ZFHX3: variants seen among roughly 807,000 people sequenced by gnomAD.
ZFHX3 encodes the protein zinc finger homeobox 3.
A neutral mutation model predicts 279.1 loss-of-function variants in ZFHX3; 42 were observed. The ratio of observed to expected loss-of-function variants is 0.15; its 90% CI spans 0.12 to 0.19. ZFHX3 has a LOEUF of 0.19. Ranked by LOEUF, ZFHX3 falls within the 10% of genes least tolerant of loss-of-function variation. The probability of loss-of-function intolerance (pLI) is 1.00; values close to 1 mark genes in which losing one functional copy is unlikely to be tolerated. For synonymous variants in ZFHX3, 2,293 were observed against 1,957.8 expected (o/e 1.17, Z -4.52); for missense variants, 4,981 against 4,754.0 (o/e 1.05, Z -1.40).
chr16:72,908,435 T>A lies in ZFHX3; in HGVS notation c.3217-18473A>T, dbSNP rs138775656. 2.2e-4 allele frequency among the ~76,000 whole-genome samples: 34 copies of A among 152,224 alleles called. No individual in the cohort carries two copies. The East Asian group carries it at 6.0e-3, about 27-fold the overall frequency. ...AAAACAGCTGCTCAGGTGACGACAA[T>A]GGGTGGAAAGGGGAACTTGAAGATT... On this transcript the variant is annotated intron_variant, in intron 3 of 9. Coordinates refer to ENST00000268489, the MANE Select transcript of ZFHX3 (RefSeq NM_006885.4).
chr16:73,879,267 G>A (rs1369391266), intron 1 of ZFHX3, among the ~76,000 whole-genome samples: 4 of 147,362 alleles, frequency 2.7e-5, no homozygotes, highest in African/African-American at 1.0e-4. Flanking sequence ...CTACCATCGT[G>A]GTCAGGAGCA....
At chr16:73,216,571 C>G (rs1567420760) in intron 5 of ZFHX3, among the ~76,000 whole-genome samples, 1 of 152,118 alleles carries the variant, frequency 6.6e-6, no homozygotes, top group Non-Finnish European at 1.5e-5. Flanking sequence ...ATTTACTTAG[C>G]AATGATTACA....
chr16:73,886,070 C>G (rs563452600), intron 1 of ZFHX3, among the ~76,000 whole-genome samples: 1 of 152,252 alleles, frequency 6.6e-6, no homozygotes, highest in East Asian at 1.9e-4. Context: ...TAATCCTGAA[C>G]CTTACACAAT....
At chr16:73,008,353 C>T (rs2144615821) in intron 1 of ZFHX3, among the ~76,000 whole-genome samples, 1 of 152,186 alleles carries the variant, frequency 6.6e-6, no homozygotes, top group African/African-American at 2.4e-5. Flanking sequence ...TTTAAATTTT[C>T]AAGTAACTGG....
At chr16:73,441,131 G>T (rs1168494968) in intron 3 of ZFHX3, among the ~76,000 whole-genome samples, 2 of 152,036 alleles carry the variant, frequency 1.3e-5, no homozygotes, top group African/African-American at 4.8e-5. Flanking sequence ...TTACTAAATG[G>T]TACCCCAGTG....
intron 8 of ZFHX3, among the ~76,000 whole-genome samples, chr16:73,079,407 C>T (rs1306004483): frequency 6.6e-6 from 1 of 152,114 alleles, no homozygotes; most frequent in Non-Finnish European, 1.5e-5. Flanking sequence ...TGCCTGTAAT[C>T]CCAGCTATCT....
chr16:73,170,050 A>G (rs1408216208), intron 5 of ZFHX3, among the ~76,000 whole-genome samples: 2 of 151,994 alleles, frequency 1.3e-5, no homozygotes, highest in Admixed American at 1.3e-4. Flanking sequence ...ATTCTGTTCA[A>G]TACTCAATAC....
chr16:73,572,152 T>G lies in ZFHX3; in HGVS notation c.-1547+108028A>C, dbSNP rs561225103. Among the ~76,000 whole-genome samples, 20 of 142,412 alleles carry G rather than the reference T, an allele frequency of 1.4e-4. No individual in the cohort carries two copies. In the Admixed American group the frequency reaches 1.4e-3, roughly 10 times the overall value. 93.4% of individuals were successfully genotyped at this position (142,412 alleles called of 152,430 possible). ...TCAACCGAAAGCATCAAATGGATTT[T>G]GAATCTAAATATTCTTAAAAAAAAA... On this transcript the variant is annotated intron_variant, in intron 2 of 17. Coordinates refer to the ZFHX3 transcript ENST00000641206.
At chr16:73,682,871 AAAG>A (rs1329430109) in intron 1 of ZFHX3, among the ~76,000 whole-genome samples, 4 of 28,256 alleles carry the variant, frequency 1.4e-4, no homozygotes, top group East Asian at 0.013. Flanking sequence ...AGAAAGAAAG[AAAG>A]AAAGAAAGAA....
At chr16:73,044,425 C>T (rs1965220727) in intron 1 of ZFHX3, among the ~76,000 whole-genome samples, 1 of 152,134 alleles carries the variant, frequency 6.6e-6, no homozygotes, top group Non-Finnish European at 1.5e-5. Context: ...AAGCATAAAC[C>T]ACAGCACATA....
At chr16:73,446,046 CTT>C (rs930280806) in intron 3 of ZFHX3, among the ~76,000 whole-genome samples, 4 of 152,298 alleles carry the variant, frequency 2.6e-5, no homozygotes, top group African/African-American at 9.6e-5. Context: ...TACTTGAATA[CTT>C]TCCTGAGGAT....
chr16:73,715,349 C>A lies in ZFHX3; in HGVS notation c.-1607-35109G>T, dbSNP rs112700495. On this transcript the variant is annotated intron_variant, in intron 1 of 17. Transcript: ENST00000641206. ...TATGAACAGACCCAGTTGACCGTCT[C>A]ATTCAATTACCACACGGACGTAGAC... Among the ~76,000 whole-genome samples the A allele has an allele frequency of 2.2e-3, 340 of 152,290 alleles. 1 individual carries two copies. The highest frequency in any genetic ancestry group is 8.0e-3 in the African/African-American group (332 of 41,562).
intron 5 of ZFHX3, among the ~76,000 whole-genome samples, chr16:73,230,086 C>T (rs934285456): frequency 7.9e-5 from 12 of 152,212 alleles, no homozygotes; most frequent in African/African-American, 2.9e-4. Context: ...GAAAGATATT[C>T]ATAGATCAAT....
At chr16:73,349,811 C>G (rs1193465349) in intron 3 of ZFHX3, among the ~76,000 whole-genome samples, 2 of 140,742 alleles carry the variant, frequency 1.4e-5, no homozygotes, top group Non-Finnish European at 3.1e-5. Flanking sequence ...TTCCCTCCCT[C>G]CCTCCTTCCC....
At chr16:72,897,524 C>T (rs778217542) in intron 3 of ZFHX3, among the ~76,000 whole-genome samples, 1 of 152,088 alleles carries the variant, frequency 6.6e-6, no homozygotes, top group Non-Finnish European at 1.5e-5. Flanking sequence ...ACTACAGCCT[C>T]AACCTCCCCA....
chr16:72,795,501 G>C lies in ZFHX3; in HGVS notation c.7181C>G (p.Pro2394Arg), dbSNP rs141517437. ...TPMPSQAYSAPAPSANNTASS... is the reference protein window; with the variant it reads ...TPMPSQAYSARAPSANNTASS... ...AGCTGTATTATTGGCTGATGGTGCTGGGGCGCTGTAAGCCTGTGAGGGCAT... is the reference window on the plus strand; with the variant it reads ...AGCTGTATTATTGGCTGATGGTGCTCGGGCGCTGTAAGCCTGTGAGGGCAT... Residue 2394 changes from proline to arginine, a missense_variant, in exon 9 of 10, where the codon CCA becomes CGA. By Grantham distance (103) the Pro-to-Arg change is moderately radical. Coordinates refer to ENST00000268489, the MANE Select transcript of ZFHX3 (RefSeq NM_006885.4). 1.2e-6 allele frequency: 2 copies of C among 1,614,138 alleles called. No individual in the cohort carries two copies. Among genetic ancestry groups the C allele is most frequent in the South Asian group, 2.2e-5 (2 of 91,082 alleles).
At chr16:72,820,522 C>T (rs1219436034) in intron 5 of ZFHX3, among the ~76,000 whole-genome samples, 7 of 152,198 alleles carry the variant, frequency 4.6e-5, no homozygotes, top group Non-Finnish European at 1.0e-4. Context: ...CCACCGTGAG[C>T]CCGGCTCATG....
chr16:73,889,801 C>A (rs1445236780), intron 1 of ZFHX3, among the ~76,000 whole-genome samples: 1 of 152,104 alleles, frequency 6.6e-6, no homozygotes, highest in Non-Finnish European at 1.5e-5. Flanking sequence ...GACTCTTCTC[C>A]TTTCTGTAGG....
chr16:73,300,002 G>C (rs576053315), intron 4 of ZFHX3, among the ~76,000 whole-genome samples: 23 of 152,266 alleles, frequency 1.5e-4, no homozygotes, highest in African/African-American at 4.8e-4. Flanking sequence ...ACCATGAATT[G>C]CTTTGGCTTT....
Sources: gnomAD v4.1 joint callset for allele counts (sites outside exome capture counted in the v4.1 genomes callset) on GRCh38, gnomAD v4.1.1 for gene constraint, MANE v1.5 for transcripts, NCBI Gene and HGNC (gene_info 2026-07-23, HGNC 2026-07-21) for gene names.